The following PDCL2 variants were observed in gnomAD, a reference collection of about 807,000 sequenced individuals.
PDCL2 encodes phosducin-like protein 2.
PDCL2 carries 23 observed loss-of-function variants against 30.3 expected under a neutral mutation model. That is an observed-to-expected ratio of 0.76 (90% CI 0.55 to 1.08). The LOEUF (loss-of-function observed/expected upper bound fraction) is 1.08, where lower values mean the gene tolerates loss of function less well. PDCL2 is among the 50% of genes least tolerant of loss of function. PDCL2 has a pLI of 0.00. For synonymous variants in PDCL2, 68 were observed against 86.2 expected, an observed-to-expected ratio of 0.79 and a Z score of 1.17; for missense variants, 243 against 282.3, an observed-to-expected ratio of 0.86 and a Z score of 1.00.
intron 4 of PDCL2, among the ~76,000 whole-genome samples, chr4:55,564,992 A>T (rs1019119245): frequency 7.9e-5 from 12 of 152,192 alleles, no homozygotes; most frequent in African/African-American, 2.9e-4. Context: ...AAATGATAAT[A>T]GCTTTTCCCC....
intron 5 of PDCL2, among the ~76,000 whole-genome samples, chr4:55,558,621 T>C (rs1732046944): frequency 2.0e-5 from 3 of 152,212 alleles, no homozygotes; most frequent in Non-Finnish European, 4.4e-5. Flanking sequence ...AAAAGCCCAA[T>C]GTTATTCAAG....
At chr4:55,564,637 G>A (rs773812763) in intron 4 of PDCL2, among the ~76,000 whole-genome samples, 18 of 152,222 alleles carry the variant, frequency 1.2e-4, no homozygotes, top group Non-Finnish European at 2.4e-4. Flanking sequence ...AAATCATTGG[G>A]CTTACTGGCC....
At position 55,570,677 on chromosome 4, in the gene PDCL2, T is replaced by C. The variant is rs577129261; in HGVS notation, c.219-816A>G. 4.6e-5 allele frequency among the ~76,000 whole-genome samples: 7 copies of C among 152,294 alleles called. No individual in the cohort carries two copies. The South Asian group carries it at 1.5e-3, about 32-fold the overall frequency. On this transcript the variant is annotated intron_variant, in intron 3 of 5. Coordinates refer to ENST00000295645, the MANE Select transcript of PDCL2 (RefSeq NM_152401.3). ...AGCATTCAATAAATGTTGCTACCTA[T>C]TTATCTATCCATAGAGAACCTTGAA...
intron 1 of PDCL2, among the ~76,000 whole-genome samples, chr4:55,590,196 CAAAAAAAAAAAAAAAA>C (rs1221085369): frequency 2.7e-5 from 1 of 37,094 alleles, no homozygotes; most frequent in Non-Finnish European, 4.2e-5. Context: ...GGCTCTGTCT[CAAAAAAAAAAAAAAAA>C]AAAAAAAAAG....
intron 1 of PDCL2, among the ~76,000 whole-genome samples, chr4:55,590,093 A>T (rs1287860425): frequency 7.1e-6 from 1 of 140,180 alleles, no homozygotes; most frequent in African/African-American, 2.6e-5. Context: ...GCTACTCAGG[A>T]GGCTGAGGCA....
intron 5 of PDCL2, among the ~76,000 whole-genome samples, chr4:55,558,793 T>G (rs1178081952): frequency 3.9e-5 from 6 of 152,180 alleles, no homozygotes; most frequent in African/African-American, 1.4e-4. Flanking sequence ...AACTTTTATC[T>G]GACAATTGAA....
chr4:55,570,997 C>A (rs75290873), intron 3 of PDCL2, among the ~76,000 whole-genome samples: 1,928 of 152,262 alleles, frequency 0.013, 45 homozygotes, highest in African/African-American at 0.043. Context: ...AAACACTGTT[C>A]AAACGCAAAT....
chr4:55,568,749 C>A (rs760660635), intron 4 of PDCL2, among the ~76,000 whole-genome samples: 1 of 152,168 alleles, frequency 6.6e-6, no homozygotes. Flanking sequence ...CATCCTCACT[C>A]CTGTCTCTAC....
At chr4:55,569,676 AAAT>A (rs1396929058) in intron 4 of PDCL2, 39 bp downstream of exon 4, 3 of 1,418,764 alleles carry the variant, frequency 2.1e-6, no homozygotes. Flanking sequence ...ATGTCTTTTA[AAAT>A]AGTAGTATAT....
chr4:55,572,514 T>A (rs1233140704), intron 3 of PDCL2, among the ~76,000 whole-genome samples: 1 of 152,158 alleles, frequency 6.6e-6, no homozygotes, highest in Non-Finnish European at 1.5e-5. Flanking sequence ...AGTAACAATC[T>A]GAGGATGAGA....
chr4:55,565,979 T>G (rs910663315), intron 4 of PDCL2, among the ~76,000 whole-genome samples: 5 of 129,806 alleles, frequency 3.9e-5, no homozygotes, highest in African/African-American at 1.2e-4. Context: ...TTCTGTTTTT[T>G]TTTTTTTTTT....
At chr4:55,583,497 G>A (rs1474229576) in intron 1 of PDCL2, among the ~76,000 whole-genome samples, 2 of 152,134 alleles carry the variant, frequency 1.3e-5, no homozygotes, top group African/African-American at 4.8e-5. Context: ...TGGACCAATA[G>A]TGTGTAGTTT....
At chr4:55,586,761 T>C (rs1732873610) in intron 1 of PDCL2, among the ~76,000 whole-genome samples, 1 of 152,206 alleles carries the variant, frequency 6.6e-6, no homozygotes, top group African/African-American at 2.4e-5. Flanking sequence ...TCCACAGCAG[T>C]TGTGCAATTT....
intron 1 of PDCL2, among the ~76,000 whole-genome samples, chr4:55,587,756 A>G (rs917000853): frequency 6.6e-6 from 1 of 151,952 alleles, no homozygotes; most frequent in Non-Finnish European, 1.5e-5. Flanking sequence ...GGGTTTCACC[A>G]TGTTGGCCAG....
At position 55,580,311 on chromosome 4, in the gene PDCL2, T is replaced by A. The variant is rs571987227; in HGVS notation, c.218+510A>T. 3.3e-5 allele frequency among the ~76,000 whole-genome samples: 5 copies of A among 152,338 alleles called. No homozygotes were observed. The South Asian group carries it at 8.3e-4, about 25-fold the overall frequency. On this transcript the variant is annotated intron_variant, in intron 3 of 5. Transcript: ENST00000295645. ...TTTGTAGTACTCTGTTTTAGTGATG[T>A]CTTTGTCTGGTTTTAGTATCAGGAT...
At chr4:55,565,417 C>T (rs957121500) in intron 4 of PDCL2, among the ~76,000 whole-genome samples, 7 of 152,144 alleles carry the variant, frequency 4.6e-5, no homozygotes, top group Non-Finnish European at 8.8e-5. Flanking sequence ...AACTTACAAT[C>T]ATGGCAGAAG....
At chr4:55,571,540 A>G (rs1577910277) in intron 3 of PDCL2, among the ~76,000 whole-genome samples, 1 of 127,224 alleles carries the variant, frequency 7.9e-6, no homozygotes, top group African/African-American at 3.2e-5. Context: ...ACAAAAAATT[A>G]GCCGGGCATG....
In PDCL2 at chr4:55,580,777, A is replaced by G. The variant is rs528316730; in HGVS notation, c.218+44T>C. On this transcript the variant is annotated intron_variant, in intron 3 of 5. Transcript: ENST00000295645. ...ATCTCTTTAGTTTTATTCTTATTAT[A>G]CTTCATTCAAAAATTTATAATTAAC... The G allele has an allele frequency of 2.9e-6, 4 of 1,367,676 alleles. No homozygotes were observed. In the African/African-American group the frequency reaches 5.9e-5, roughly 20 times the overall value. The allele number at this position is 1,367,676 out of a possible 1,614,324, so 84.7% of individuals were successfully genotyped here. A position where few individuals can be genotyped will look rare whatever the true frequency, so the allele number is the denominator to read the frequency against.
chr4:55,575,001 G>A (rs1732526795), intron 3 of PDCL2, among the ~76,000 whole-genome samples: 1 of 152,172 alleles, frequency 6.6e-6, no homozygotes, highest in African/African-American at 2.4e-5. Context: ...TTTCAAAGTG[G>A]CTGTACCATT....
Sources: gnomAD v4.1 joint callset for allele counts (sites outside exome capture counted in the v4.1 genomes callset) on GRCh38, gnomAD v4.1.1 for gene constraint, MANE v1.5 for transcripts, NCBI Gene and HGNC (gene_info 2026-07-23, HGNC 2026-07-21) for gene names.